Variants in PPP1R3F observed in about 807,000 individuals in gnomAD.
PPP1R3F encodes protein phosphatase 1, regulatory (inhibitor) subunit 3F.
In PPP1R3F, 29 loss-of-function variants were observed where a neutral mutation model predicts 24.2. That is an observed-to-expected ratio of 1.20 (90% CI 0.89 to 1.63). The LOEUF (loss-of-function observed/expected upper bound fraction) is 1.63, where lower values mean the gene tolerates loss of function less well. Ranked by LOEUF, PPP1R3F falls within the 40% of genes most tolerant of loss-of-function variation. The probability of loss-of-function intolerance (pLI) is 0.00; values close to 1 mark genes in which losing one functional copy is unlikely to be tolerated. For synonymous variants in PPP1R3F, 363 were observed against 340.1 expected (o/e 1.07, Z -0.74); for missense variants, 823 against 729.3 (o/e 1.13, Z -1.48).
At chrX:49,298,782 C>T (rs1299062312) in intron 3 of PPP1R3F, among the ~76,000 whole-genome samples, 5 of 110,017 alleles carry the variant, frequency 4.5e-5, no homozygotes, top group African/African-American at 6.6e-5. Context: ...TCCTTTCTTC[C>T]GCTTGATCGA....
intron 3 of PPP1R3F, among the ~76,000 whole-genome samples, chrX:49,299,108 C>G (rs1486557840): frequency 9.0e-6 from 1 of 111,456 alleles, no homozygotes; most frequent in South Asian, 3.8e-4. Flanking sequence ...CAATTTTCAG[C>G]CTTTTTGTGC....
At chrX:49,271,080 G>A (rs1557119241) in intron 1 of PPP1R3F, among the ~76,000 whole-genome samples, 8 of 112,200 alleles carry the variant, frequency 7.1e-5, no homozygotes, top group Non-Finnish European at 1.5e-4. Context: ...GAGTTCCACT[G>A]TAAAGCCCTG....
downstream of PPP1R3F, among the ~76,000 whole-genome samples, chrX:49,289,812 T>C (rs782455355): frequency 4.5e-5 from 5 of 111,792 alleles, no homozygotes; most frequent in African/African-American, 1.6e-4. Context: ...CTCACACCTA[T>C]AATCCCAGCA....
At chrX:49,291,302 C>G (rs1329857317), downstream of PPP1R3F, among the ~76,000 whole-genome samples, 1 of 90,934 alleles carries the variant, frequency 1.1e-5, no homozygotes, top group Non-Finnish European at 2.3e-5. Flanking sequence ...CTCTCTCTCT[C>G]TCTCTCTCTC....
chrX:49,281,389 T>C lies in PPP1R3F; in HGVS notation c.1005-17T>C. The stretch of plus-strand genomic sequence containing the variant: ...AGGGTATTATTAGATCCATGTACTC[T>C]CTCCTCTGCCCTGCAGGCCTGCCGA... On this transcript the variant is annotated splice_polypyrimidine_tract_variant and intron_variant, in intron 1 of 3. Transcript: ENST00000055335. 1 of 1,191,750 alleles carries C rather than the reference T, an allele frequency of 8.4e-7. No homozygotes were observed. The highest frequency in any genetic ancestry group is 1.1e-6 in the Non-Finnish European group (1 of 880,186).
At chrX:49,274,552 C>T (rs183039387) in intron 1 of PPP1R3F, 1 of 112,376 alleles carries the variant, frequency 8.9e-6, no homozygotes, top group East Asian at 2.8e-4. Flanking sequence ...AGGACTTCCC[C>T]AGGGGAGCCT....
chrX:49,290,393 GT>G (rs1192131845), downstream of PPP1R3F, among the ~76,000 whole-genome samples: 1 of 111,118 alleles, frequency 9.0e-6, no homozygotes, highest in Non-Finnish European at 1.9e-5. Context: ...GTCCTCAGAT[GT>G]TGGGGTCCAT....
At chrX:49,291,288 T>TTCTCTCTCTCTCTC (rs781932322), downstream of PPP1R3F, among the ~76,000 whole-genome samples, 370 of 50,581 alleles carry the variant, frequency 7.3e-3, 18 homozygotes, top group African/African-American at 0.02. Context: ...CAGCCTACTT[T>TTCTCTCTCTCTCTC]TCTCTCTCTC....
Position 49,286,217 on chromosome X carries a change from G to A in PPP1R3F, c.1527G>A (p.Gly509=). ...LRAAVAAGGA[G]GGGEGSTDGG... is the part of the protein sequence containing the mutation. ...CTGCTGTGGCTGCGGGTGGGGCAGG[G>A]GGTGGTGGGGAGGGCTCCACAGATG... Residue 509 remains glycine, a synonymous_variant, in exon 4 of 4, where the codon GGG becomes GGA. Coordinates refer to ENST00000055335, the MANE Select transcript of PPP1R3F (RefSeq NM_033215.5). The A allele has an allele frequency of 8.3e-7, 1 of 1,208,839 alleles. No individual in the cohort carries two copies. The highest frequency in any genetic ancestry group is 1.1e-6 in the Non-Finnish European group (1 of 894,280).
rs782331695 is a variant in PPP1R3F, at chrX:49,301,332, T to G, written c.393-19T>G. 1.0e-5 allele frequency: 6 copies of G among 577,213 alleles called. No individual in the cohort carries two copies. The African/African-American group carries it at 1.4e-4, about 13-fold the overall frequency. The allele number at this position is 577,213 out of a possible 1,213,427, so 47.6% of individuals were successfully genotyped here. A position where few individuals can be genotyped will look rare whatever the true frequency, so the allele number is the denominator to read the frequency against. On this transcript the variant is annotated intron_variant, in intron 3 of 3. Transcript: ENST00000471261. Reference sequence around the variant, plus strand: ...ACTGCTGTTAAGTAATGTTCCCAGTTGTTATGTTTCTGTTACAGGTGAAAA... The same window carrying G: ...ACTGCTGTTAAGTAATGTTCCCAGTGGTTATGTTTCTGTTACAGGTGAAAA...
intron 3 of PPP1R3F, among the ~76,000 whole-genome samples, chrX:49,297,531 A>G (rs1395069180): frequency 9.0e-6 from 1 of 110,617 alleles, no homozygotes; most frequent in Non-Finnish European, 1.9e-5. Flanking sequence ...TGTATTTTTT[A>G]GTAGAGGCAG....
downstream of PPP1R3F, among the ~76,000 whole-genome samples, chrX:49,291,911 C>T (rs1321334022): frequency 7.2e-5 from 8 of 111,242 alleles, no homozygotes; most frequent in Admixed American, 5.7e-4. Flanking sequence ...CAGGATGAGA[C>T]CAAGTCCAAA....
In PPP1R3F at chrX:49,298,904, C is replaced by G. The variant is rs189064598; in HGVS notation, c.393-2447C>G. On this transcript the variant is annotated intron_variant, in intron 3 of 3. Transcript: ENST00000471261. ...TTAGTTATTCTAGTTAGCAATTTCT[C>G]TAACCTTTTTTCAAGGCTCTTAGTT... 1.4e-3 allele frequency among the ~76,000 whole-genome samples: 153 copies of G among 109,737 alleles called. 2 individuals carry two copies. In the Admixed American group the frequency reaches 0.014, roughly 10 times the overall value.
chrX:49,287,084 C>T lies in PPP1R3F; in HGVS notation c.2394C>T (p.Phe798=). The T allele has an allele frequency of 8.3e-7, 1 of 1,209,828 alleles. No homozygotes were observed. Among genetic ancestry groups the T allele is most frequent in the Non-Finnish European group, 1.1e-6 (1 of 895,111 alleles). ...CGCTGTGCCTCTCTCTGGCTTGGTT[C>T]TCATAGGCTCTGCTTGTGGGATCAG... ...VLALCLSLAW[F]S The change falls in exon 4 of 4, where the codon TTC becomes TTT. Residue 798 remains phenylalanine, a synonymous_variant. Coordinates refer to ENST00000055335, the MANE Select transcript of PPP1R3F (RefSeq NM_033215.5).
At chrX:49,300,977 G>C (rs1172659654) in intron 3 of PPP1R3F, among the ~76,000 whole-genome samples, 1 of 112,000 alleles carries the variant, frequency 8.9e-6, no homozygotes, top group Non-Finnish European at 1.9e-5. Flanking sequence ...AATGTTACAC[G>C]TAAGTTTCAG....
chrX:49,272,186 C>T (rs141275111), intron 1 of PPP1R3F, among the ~76,000 whole-genome samples: 41 of 112,082 alleles, frequency 3.7e-4, no homozygotes, highest in African/African-American at 1.1e-3. Flanking sequence ...GGTCTAGCTC[C>T]GGTCTGGTGG....
At chrX:49,284,454 TTTTCTTTCC>T (rs1343772065) in intron 3 of PPP1R3F, among the ~76,000 whole-genome samples, 2 of 109,167 alleles carry the variant, frequency 1.8e-5, no homozygotes, top group African/African-American at 6.6e-5. Context: ...TTTACTTTAT[TTTTCTTTCC>T]TTTCTTTCCT....
rs879970390 is a variant in PPP1R3F, at chrX:49,287,317, G to A, written c.*227G>A. On this transcript the variant is annotated 3_prime_UTR_variant, in exon 4 of 4. Coordinates refer to ENST00000055335, the MANE Select transcript of PPP1R3F (RefSeq NM_033215.5). ...TAGAGTGGAACTGGGCATGTCCTCC[G>A]CCTACCCCCCGAGCCTGTATTTATT... The A allele has an allele frequency of 2.6e-6, 1 of 388,928 alleles. No individual in the cohort carries two copies. The highest frequency in any genetic ancestry group is 4.4e-6 in the Non-Finnish European group (1 of 227,597). 32.1% of individuals were successfully genotyped at this position (388,928 alleles called of 1,213,427 possible). A position where few individuals can be genotyped will look rare whatever the true frequency, so the allele number is the denominator to read the frequency against.
At chrX:49,290,214 T>A (rs2066304737), downstream of PPP1R3F, among the ~76,000 whole-genome samples, 1 of 111,774 alleles carries the variant, frequency 8.9e-6, no homozygotes, top group African/African-American at 3.3e-5. Flanking sequence ...GACTCCAGCC[T>A]CCTGGTGTGA....
Sources: allele counts gnomAD v4.1 joint callset (sites outside exome capture counted in the v4.1 genomes callset), GRCh38; gene constraint gnomAD v4.1.1; transcripts MANE v1.5; gene names NCBI Gene and HGNC (gene_info 2026-07-23, HGNC 2026-07-21).